The following NFYB variants were observed in gnomAD, a reference collection of about 807,000 sequenced individuals.
NFYB encodes nuclear transcription factor Y subunit beta.
Under a neutral mutation model 28.0 loss-of-function variants are expected in NFYB, and 13 were observed. The observed-to-expected ratio is 0.46, with a 90% confidence interval of 0.30 to 0.74. The LOEUF (loss-of-function observed/expected upper bound fraction) is 0.74. Ranked by LOEUF, NFYB falls within the 30% of genes least tolerant of loss-of-function variation. The probability of loss-of-function intolerance (pLI) is 0.07; values close to 1 mark genes in which losing one functional copy is unlikely to be tolerated. For synonymous variants in NFYB, 74 were observed against 75.0 expected, an observed-to-expected ratio of 0.99 and a Z score of 0.07; for missense variants, 142 against 247.6, an observed-to-expected ratio of 0.57 and a Z score of 2.86.
intron 2 of NFYB, among the ~76,000 whole-genome samples, chr12:104,133,973 A>G (rs1459710421): frequency 6.6e-6 from 1 of 152,118 alleles, no homozygotes; most frequent in Non-Finnish European, 1.5e-5. Flanking sequence ...CTGAACATGT[A>G]CTTTTTAACC....
In NFYB at chr12:104,119,506, A is replaced by G. The variant is rs2030384353; in HGVS notation, c.*231T>C. The G allele has an allele frequency of 9.3e-6, 4 of 428,496 alleles. No homozygotes were observed. Among genetic ancestry groups the G allele is most frequent in the Non-Finnish European group, 1.3e-5 (3 of 238,178 alleles). 26.5% of individuals were successfully genotyped at this position (428,496 alleles called of 1,614,324 possible). A position where few individuals can be genotyped will look rare whatever the true frequency, so the allele number is the denominator to read the frequency against. ...ATACAGAGCAACAAACTCTCGTACA[A>G]AACAAAAATATTTTAATACCTTTAA... On this transcript the variant is annotated 3_prime_UTR_variant, in exon 8 of 8. Transcript: ENST00000240055.
chr12:104,125,169 C>A (rs766503229), intron 4 of NFYB: 5 of 152,068 alleles, frequency 3.3e-5, no homozygotes, highest in African/African-American at 7.2e-5. Context: ...TTGGAAAATT[C>A]TTATTACACC....
At position 104,126,132 on chromosome 12, in the gene NFYB, G is replaced by T; in HGVS notation, c.213C>A (p.Ala71=). Residue 71 remains alanine (A), a synonymous_variant, in exon 4 of 8, where the codon GCC becomes GCA. Coordinates refer to ENST00000240055, the MANE Select transcript of NFYB (RefSeq NM_006166.4). Reference sequence around the variant, plus strand: ...ACGTTACCTTTCCCGTTTGAGGTATGGCATTTTTCATTATCCTAGCCACGT... The same window carrying T: ...ACGTTACCTTTCCCGTTTGAGGTATTGCATTTTTCATTATCCTAGCCACGT... ...IANVARIMKN[A]IPQTGKIAKD... is the part of the protein sequence containing the mutation. 6.3e-7 allele frequency: 1 copy of T among 1,584,786 alleles called. No individual in the cohort carries two copies. Among genetic ancestry groups the T allele is most frequent in the Non-Finnish European group, 8.5e-7 (1 of 1,170,338 alleles).
At chr12:104,119,985 C>T (rs886739059) in intron 7 of NFYB, among the ~76,000 whole-genome samples, 1 of 151,916 alleles carries the variant, frequency 6.6e-6, no homozygotes, top group African/African-American at 2.4e-5. Context: ...TGAGAAAACA[C>T]AATTTTAATA....
chr12:104,128,551 C>A, intron 2 of NFYB, 34 bp from the exon 3 acceptor site: 1 of 1,458,590 alleles, frequency 6.9e-7, no homozygotes, highest in South Asian at 1.2e-5. Context: ...CAATACTTTT[C>A]AAAGTACTAA....
intron 3 of NFYB, among the ~76,000 whole-genome samples, chr12:104,127,462 G>A (rs2030757586): frequency 6.6e-6 from 1 of 151,780 alleles, no homozygotes; most frequent in South Asian, 2.1e-4. Flanking sequence ...CAGCTAACGG[G>A]CAGGCTGAGG....
chr12:104,130,193 T>C (rs913073552), intron 2 of NFYB, among the ~76,000 whole-genome samples: 2 of 152,224 alleles, frequency 1.3e-5, no homozygotes, highest in Non-Finnish European at 2.9e-5. Context: ...TCAAGTGTAA[T>C]TCATACATAC....
chr12:104,126,297 G>A, intron 3 of NFYB, 53 bp from the exon 4 acceptor site: 2 of 1,348,322 alleles, frequency 1.5e-6, no homozygotes, highest in Non-Finnish European at 2.0e-6. Context: ...TCTATTTCAA[G>A]ATAGAAAAAA....
chr12:104,133,266 G>A (rs1286302054), intron 2 of NFYB, among the ~76,000 whole-genome samples: 23 of 152,104 alleles, frequency 1.5e-4, no homozygotes, highest in Admixed American at 1.4e-3. Flanking sequence ...TGAAATCCAG[G>A]GCCTCAGATG....
At chr12:104,126,266 G>A in intron 3 of NFYB, 22 bp from the exon 4 acceptor site, 1 of 1,499,892 alleles carries the variant, frequency 6.7e-7, no homozygotes, top group East Asian at 2.4e-5. Context: ...AAAATATTTA[G>A]GTGTAAAGCT....
intron 4 of NFYB, 44 bp from the exon 5 acceptor site, chr12:104,123,467 AC>A (rs1429446335): frequency 6.6e-7 from 1 of 1,520,950 alleles, no homozygotes; most frequent in African/African-American, 1.4e-5. Context: ...TATAACCATC[AC>A]CTTCCTAACA....
At chr12:104,135,192 T>C (rs1354301961) in intron 2 of NFYB, among the ~76,000 whole-genome samples, 1 of 152,232 alleles carries the variant, frequency 6.6e-6, no homozygotes, top group South Asian at 2.1e-4. Context: ...ATTCAATTAA[T>C]TGGCTAAACA....
At chr12:104,128,856 C>T (rs902752526) in intron 2 of NFYB, among the ~76,000 whole-genome samples, 1 of 151,914 alleles carries the variant, frequency 6.6e-6, no homozygotes, top group African/African-American at 2.4e-5. Flanking sequence ...TTAGCAGAGA[C>T]AGGGTTTTGC....
rs576689770 is a variant in NFYB at position 104,118,827 on chromosome 12, T to C, written c.*910A>G. On this transcript the variant is annotated 3_prime_UTR_variant, in exon 8 of 8. Transcript: ENST00000240055. ...TGGTTTCCATAGTGTAACAGGAAAC[T>C]TGACATTTCAATTAAAAAGGTAAAA... is the stretch of plus-strand genomic sequence containing the variant. The C allele has an allele frequency of 7.8e-4, 119 of 152,180 alleles. No individual in the cohort carries two copies. Among genetic ancestry groups the C allele is most frequent in the African/African-American group, 2.7e-3 (113 of 41,478 alleles). 9.4% of individuals were successfully genotyped at this position (152,180 alleles called of 1,614,324 possible). A position where few individuals can be genotyped will look rare whatever the true frequency, so the allele number is the denominator to read the frequency against.
rs1187306614 is a variant in NFYB at position 104,118,032 on chromosome 12, T to C, written c.*1705A>G. 6.6e-6 allele frequency: 1 copy of C among 152,164 alleles called. No individual in the cohort carries two copies. The highest frequency in any genetic ancestry group is 1.5e-5 in the Non-Finnish European group (1 of 68,014). 9.4% of individuals were successfully genotyped at this position (152,164 alleles called of 1,614,324 possible). On this transcript the variant is annotated 3_prime_UTR_variant, in exon 8 of 8. Transcript: ENST00000240055. ...ATCCAATAGAAGATTAAATGAATTA[T>C]GATTGAGTCATACAGCAGAATAATA... is the stretch of plus-strand genomic sequence containing the variant.
rs192284571 is a variant in NFYB, at chr12:104,120,306, C to G, written c.591+94G>C. 3 of 961,738 alleles carry G rather than the reference C, an allele frequency of 3.1e-6. No homozygotes were observed. In the African/African-American group the frequency reaches 5.0e-5, roughly 16 times the overall value. The allele number at this position is 961,738 out of a possible 1,614,324, so 59.6% of individuals were successfully genotyped here. On this transcript the variant is annotated intron_variant, in intron 7 of 7. Transcript: ENST00000240055. ...CTGACCTCAGGTGATCCACCCACCT[C>G]GGCCTCCCAAGGTGCTGGGATTACA... is the stretch of plus-strand genomic sequence containing the variant.
Position 104,119,754 on chromosome 12 carries a change from G to T in NFYB, c.607C>A (p.Gln203Lys). The change falls in exon 8 of 8, where the codon CAA becomes AAA. Residue 203 changes from glutamine to lysine, a missense_variant. By Grantham distance (53) the Gln-to-Lys change is moderately conservative. Coordinates refer to ENST00000240055, the MANE Select transcript of NFYB (RefSeq NM_006166.4). ...TCTTCAGATCATGAAAACTGAATTT[G>T]CTGAACACCAGAAATCTAAGATTAG... ...TSYQQISGVQ[Q>K]IQFS 1.2e-6 allele frequency: 2 copies of T among 1,602,502 alleles called. No individual in the cohort carries two copies. The highest frequency in any genetic ancestry group is 8.5e-7 in the Non-Finnish European group (1 of 1,170,990).
At chr12:104,135,074 C>A (rs1565828378) in intron 2 of NFYB, among the ~76,000 whole-genome samples, 1 of 152,182 alleles carries the variant, frequency 6.6e-6, no homozygotes, top group African/African-American at 2.4e-5. Context: ...CTGCAGGATC[C>A]CTCTGTGACA....
intron 1 of NFYB, among the ~76,000 whole-genome samples, chr12:104,136,664 G>A (rs1232954590): frequency 1.3e-5 from 2 of 152,122 alleles, no homozygotes; most frequent in Non-Finnish European, 2.9e-5. Context: ...GGAGAGGGGG[G>A]TGTGGGCAGG....
Sources: allele counts gnomAD v4.1 joint callset (sites outside exome capture counted in the v4.1 genomes callset), GRCh38; gene constraint gnomAD v4.1.1; transcripts MANE v1.5; gene names NCBI Gene and HGNC (gene_info 2026-07-23, HGNC 2026-07-21).